Variants in PTPRK observed in about 807,000 individuals in gnomAD.
The protein encoded by PTPRK is receptor-type tyrosine-protein phosphatase kappa.
PTPRK carries 75 observed loss-of-function variants against 178.0 expected under a neutral mutation model. The ratio of observed to expected loss-of-function variants is 0.42; its 90% CI spans 0.35 to 0.51. The LOEUF (loss-of-function observed/expected upper bound fraction) is 0.51. PTPRK is among the 20% of genes least tolerant of loss of function. The probability of loss-of-function intolerance (pLI) is 0.02; values close to 1 mark genes in which losing one functional copy is unlikely to be tolerated. For missense variants in PTPRK, 1,441 were observed against 1,797.8 expected, an observed-to-expected ratio of 0.80 and a Z score of 3.59; for synonymous variants, 637 against 620.6, an observed-to-expected ratio of 1.03 and a Z score of -0.39.
At chr6:127,985,402 C>G (rs1389599704) in intron 22 of PTPRK, among the ~76,000 whole-genome samples, 3 of 152,078 alleles carry the variant, frequency 2.0e-5, no homozygotes, top group African/African-American at 4.8e-5. Flanking sequence ...TCTATTTCAA[C>G]CTAGCATTCT....
intron 2 of PTPRK, among the ~76,000 whole-genome samples, chr6:128,361,718 A>T (rs895509964): frequency 2.0e-5 from 3 of 152,182 alleles, no homozygotes; most frequent in Non-Finnish European, 4.4e-5. Flanking sequence ...TATATCTAAA[A>T]ATAGAAAAGG....
At chr6:128,141,363 A>G (rs1795740085) in intron 7 of PTPRK, among the ~76,000 whole-genome samples, 1 of 151,898 alleles carries the variant, frequency 6.6e-6, no homozygotes, top group African/African-American at 2.4e-5. Flanking sequence ...AATATATATT[A>G]TAGATTAACA....
rs536488824 is a variant in PTPRK, at chr6:128,135,683, C to T, written c.1163-45691G>A. ...TCCTGCACTAGGATATCCCTATGCC[C>T]TCTGAGCCTCAAAATGCTGCTAATT... On this transcript the variant is annotated intron_variant, in intron 7 of 29. Coordinates refer to ENST00000368226, the MANE Select transcript of PTPRK (RefSeq NM_002844.4). Among the ~76,000 whole-genome samples, 21 of 152,210 alleles carry T rather than the reference C, an allele frequency of 1.4e-4. No individual in the cohort carries two copies. In the East Asian group the frequency reaches 3.9e-3, roughly 28 times the overall value.
In PTPRK at chr6:128,321,900, C is replaced by T. The variant is rs760373630; in HGVS notation, c.495+139G>A. On this transcript the variant is annotated intron_variant, in intron 3 of 29. Coordinates refer to ENST00000368226, the MANE Select transcript of PTPRK (RefSeq NM_002844.4). ...GATGCATATGTATATCTATGTATGA[C>T]ACTTCCCCAATAATGGGGGTGGGGG... The T allele has an allele frequency of 3.7e-6, 4 of 1,088,632 alleles. No homozygotes were observed. The Admixed American group carries it at 7.7e-5, about 21-fold the overall frequency. The allele number at this position is 1,088,632 out of a possible 1,614,324, so 67.4% of individuals were successfully genotyped here. A position where few individuals can be genotyped will look rare whatever the true frequency, so the allele number is the denominator to read the frequency against.
chr6:127,981,176 C>T lies in PTPRK; in HGVS notation c.3651G>A (p.Leu1217=), dbSNP rs899672929. 1 of 1,614,028 alleles carries T rather than the reference C, an allele frequency of 6.2e-7. No individual in the cohort carries two copies. The highest frequency in any genetic ancestry group is 1.1e-5 in the South Asian group (1 of 91,080). ...FMDMLPPDRC[L]PFLITIDGES... ...CCCCATCAATTGTAATTAAAAAAGG[C>T]AGACATCTGTCAGGTGGCAGCATGT... is the stretch of plus-strand genomic sequence containing the variant. The change falls in exon 25 of 30, where the codon CTG becomes CTA. Residue 1217 remains leucine, a synonymous_variant. Transcript: ENST00000368226.
intron 2 of PTPRK, among the ~76,000 whole-genome samples, chr6:128,373,383 C>T (rs1325323268): frequency 6.6e-6 from 1 of 152,196 alleles, no homozygotes; most frequent in East Asian, 1.9e-4. Context: ...CATCCTCACA[C>T]ACAATGCCTT....
At chr6:128,185,176 C>T (rs1802553637) in intron 6 of PTPRK, among the ~76,000 whole-genome samples, 3 of 152,032 alleles carry the variant, frequency 2.0e-5, no homozygotes, top group South Asian at 2.1e-4. Flanking sequence ...ATAACATAAC[C>T]GAACTCAGAA....
intron 7 of PTPRK, among the ~76,000 whole-genome samples, chr6:128,137,617 C>T (rs1169778332): frequency 6.6e-6 from 1 of 152,054 alleles, no homozygotes; most frequent in Admixed American, 6.6e-5. Context: ...GTGTCCAGGG[C>T]TGCTAGCCAG....
intron 11 of PTPRK, among the ~76,000 whole-genome samples, chr6:128,070,795 A>G (rs926870607): frequency 6.6e-6 from 1 of 151,786 alleles, no homozygotes; most frequent in African/African-American, 2.4e-5. Context: ...TTCACATATT[A>G]TACTTACTTA....
At chr6:128,370,032 G>C (rs546729697) in intron 2 of PTPRK, among the ~76,000 whole-genome samples, 1 of 152,122 alleles carries the variant, frequency 6.6e-6, no homozygotes, top group Non-Finnish European at 1.5e-5. Context: ...AGCTTGAATG[G>C]ACAGGATACA....
intron 13 of PTPRK, among the ~76,000 whole-genome samples, chr6:128,039,695 T>C (rs987121738): frequency 6.6e-6 from 1 of 152,192 alleles, no homozygotes; most frequent in Non-Finnish European, 1.5e-5. Context: ...GGAACTGTCA[T>C]GAGAAGGGTC....
At chr6:128,352,363 A>G (rs1047309341) in intron 2 of PTPRK, among the ~76,000 whole-genome samples, 2 of 151,266 alleles carry the variant, frequency 1.3e-5, no homozygotes, top group Non-Finnish European at 2.9e-5. Context: ...TACAATATTA[A>G]GTGCTTTAGT....
intron 1 of PTPRK, among the ~76,000 whole-genome samples, chr6:128,506,891 A>G (rs1373347193): frequency 6.6e-6 from 1 of 152,076 alleles, no homozygotes; most frequent in African/African-American, 2.4e-5. Context: ...TTAAGAGATA[A>G]CAGCATGAGA....
rs577654985 is a variant in PTPRK at position 127,996,248 on chromosome 6, C to G, written c.2767+653G>C. On this transcript the variant is annotated intron_variant, in intron 17 of 29. Coordinates refer to ENST00000368226, the MANE Select transcript of PTPRK (RefSeq NM_002844.4). ...CACGTGGAAAGAATAACACCCCAAT[C>G]TTGAATATGTTTGATGGAAGTGTTA... is the stretch of plus-strand genomic sequence containing the variant. Among the ~76,000 whole-genome samples the G allele has an allele frequency of 2.0e-3, 303 of 152,208 alleles. 1 individual carries two copies. Among genetic ancestry groups the G allele is most frequent in the Middle Eastern group, 3.4e-3 (1 of 294 alleles).
chr6:128,450,638 A>ACT (rs1847671412), intron 1 of PTPRK, among the ~76,000 whole-genome samples: 1 of 152,140 alleles, frequency 6.6e-6, no homozygotes, highest in Non-Finnish European at 1.5e-5. Context: ...GGTTGGTAAA[A>ACT]CTGTTGATTC....
At chr6:127,999,981 A>AT (rs1430074793) in intron 15 of PTPRK, 1 of 927,030 alleles carries the variant, frequency 1.1e-6, no homozygotes, top group East Asian at 1.2e-4. Context: ...GAACAAGAAC[A>AT]TTTTTGCCTA....
chr6:127,978,551 T>C (rs1250573937), intron 25 of PTPRK, among the ~76,000 whole-genome samples: 1 of 152,136 alleles, frequency 6.6e-6, no homozygotes, highest in South Asian at 2.1e-4. Context: ...AATTACCCAG[T>C]CTCAGGTATG....
At chr6:128,166,966 T>A (rs964870246) in intron 7 of PTPRK, among the ~76,000 whole-genome samples, 1 of 151,732 alleles carries the variant, frequency 6.6e-6, no homozygotes, top group Non-Finnish European at 1.5e-5. Flanking sequence ...TTCCTGGAGT[T>A]ATCAATATCA....
chr6:128,425,961 T>C (rs1195160497), intron 1 of PTPRK, among the ~76,000 whole-genome samples: 1 of 152,230 alleles, frequency 6.6e-6, no homozygotes, highest in Non-Finnish European at 1.5e-5. Context: ...AAATACTTTT[T>C]TTACTACAAG....
Sources: gnomAD v4.1 joint callset for allele counts (sites outside exome capture counted in the v4.1 genomes callset) on GRCh38, gnomAD v4.1.1 for gene constraint, MANE v1.5 for transcripts, NCBI Gene and HGNC (gene_info 2026-07-23, HGNC 2026-07-21) for gene names.